The following VWA3B variants were observed in gnomAD, a reference collection of about 807,000 sequenced individuals.
VWA3B encodes the protein von Willebrand factor A domain containing 3B, also known as von Willebrand factor A domain-containing protein 3B.
In VWA3B, 138 loss-of-function variants were observed where a neutral mutation model predicts 158.3. That is an observed-to-expected ratio of 0.87 (90% confidence interval 0.76 to 1.00). VWA3B has a LOEUF of 1.00. VWA3B is among the 50% of genes least tolerant of loss of function. The probability of loss-of-function intolerance (pLI) is 0.00; values close to 1 mark genes in which losing one functional copy is unlikely to be tolerated. For synonymous variants in VWA3B, 596 were observed against 587.3 expected (o/e 1.01, Z -0.21); for missense variants, 1,555 against 1,565.1 (o/e 0.99, Z 0.11).
chr2:98,309,596 C>A (rs1165322835), intron 26 of VWA3B, among the ~76,000 whole-genome samples: 1 of 152,196 alleles, frequency 6.6e-6, no homozygotes, highest in Non-Finnish European at 1.5e-5. Context: ...GGAAATGATA[C>A]CGTGCGCAGT....
chr2:98,126,274 G>A (rs545008910), intron 5 of VWA3B, among the ~76,000 whole-genome samples: 1 of 152,222 alleles, frequency 6.6e-6, no homozygotes, highest in Non-Finnish European at 1.5e-5. Flanking sequence ...AGTGCCAGAG[G>A]AAAGAAGCTG....
At chr2:98,214,155 C>A (rs1683774579) in intron 13 of VWA3B, among the ~76,000 whole-genome samples, 1 of 151,388 alleles carries the variant, frequency 6.6e-6, no homozygotes, top group South Asian at 2.1e-4. Flanking sequence ...CGTGCTACTG[C>A]ACTCCAGCCT....
chr2:98,316,034 T>G (rs571172015), downstream of VWA3B, among the ~76,000 whole-genome samples: 1 of 152,356 alleles, frequency 6.6e-6, no homozygotes, highest in East Asian at 1.9e-4. Flanking sequence ...TGAATCATTT[T>G]TCCTAGGAGA....
chr2:98,255,576 A>C (rs4851122), intron 20 of VWA3B, among the ~76,000 whole-genome samples: 88,132 of 151,712 alleles, frequency 0.58, 26,042 homozygotes, highest in South Asian at 0.82. Flanking sequence ...TGAAAACGCG[A>C]TCAGTCTCAG....
At chr2:98,234,378 G>A (rs1441225431) in intron 16 of VWA3B, among the ~76,000 whole-genome samples, 5 of 152,334 alleles carry the variant, frequency 3.3e-5, no homozygotes, top group South Asian at 2.1e-4. Context: ...AGGAAATGGG[G>A]CCTCAGTCCT....
At chr2:98,317,411 G>A (rs1202829618), downstream of VWA3B, among the ~76,000 whole-genome samples, 2 of 152,176 alleles carry the variant, frequency 1.3e-5, no homozygotes, top group African/African-American at 4.8e-5. Context: ...TTCAGGCCCT[G>A]AGGGGAAGTG....
At position 98,121,346 on chromosome 2, in the gene VWA3B, CCGAA is replaced by C. The variant is rs1454889981; in HGVS notation, c.592_595del (p.Glu198SerfsTer3). 6.2e-7 allele frequency: 1 copy of C among 1,614,146 alleles called. No individual in the cohort carries two copies. On this transcript the variant is annotated frameshift_variant, in exon 5 of 28. Transcript: ENST00000477737. LOFTEE classifies it high-confidence loss of function. Reference sequence around the variant, plus strand: ...TGGCAGGAAAATGCTACTCCTGTGACCGAACAGTCCATAGCTACTGCCATCAGTT... The same window carrying C: ...TGGCAGGAAAATGCTACTCCTGTGACCAGTCCATAGCTACTGCCATCAGTT...
rs117566418 is a variant in VWA3B at position 98,168,351 on chromosome 2, T to G, written c.1114+5375T>G. Among the ~76,000 whole-genome samples, 240 of 149,242 alleles carry G rather than the reference T, an allele frequency of 1.6e-3. 5 individuals are homozygous for G. In the East Asian group the frequency reaches 0.038, roughly 24 times the overall value. ...ATTGGACAATTATGTATCAGTTCCC[T>G]TTGTTTCAATCTAATACACACACAT... On this transcript the variant is annotated intron_variant, in intron 8 of 27. Coordinates refer to ENST00000477737, the MANE Select transcript of VWA3B (RefSeq NM_144992.5).
At chr2:98,217,625 T>C (rs1684140499) in intron 13 of VWA3B, among the ~76,000 whole-genome samples, 1 of 152,200 alleles carries the variant, frequency 6.6e-6, no homozygotes, top group Non-Finnish European at 1.5e-5. Context: ...CTGAGAGACC[T>C]CAGAGCCAAG....
chr2:98,153,603 G>A (rs558686316), intron 7 of VWA3B, among the ~76,000 whole-genome samples: 7 of 152,182 alleles, frequency 4.6e-5, no homozygotes, highest in African/African-American at 1.7e-4. Flanking sequence ...CCATCACTTA[G>A]GCTTGGCATT....
In VWA3B at chr2:98,312,229, G is replaced by A. The variant is rs780605990; in HGVS notation, c.3765G>A (p.Gly1255=). 3.1e-6 allele frequency: 5 copies of A among 1,614,120 alleles called. No individual in the cohort carries two copies. Among genetic ancestry groups the A allele is most frequent in the Non-Finnish European group, 4.2e-6 (5 of 1,180,016 alleles). ...CCCACCTCCACTTCCCCGCGGCCGG[G>A]CGTCTAGGACTCAGCAGCCACGCCA... is the stretch of plus-strand genomic sequence containing the variant. ...RTAHLHFPAA[G]RLGLSSHAII... The change falls in exon 28 of 28, where the codon GGG becomes GGA. Residue 1255 remains glycine (G), a synonymous_variant. Coordinates refer to ENST00000477737, the MANE Select transcript of VWA3B (RefSeq NM_144992.5).
rs138999267 is a variant in VWA3B at position 98,150,890 on chromosome 2, G to A, written c.989-11961G>A. Reference sequence around the variant, plus strand: ...TCCCTGGTTCCTCCCTTCTATTTCCGTTTGCCTTCTGAAGCTTCTCACCTT... The same window carrying A: ...TCCCTGGTTCCTCCCTTCTATTTCCATTTGCCTTCTGAAGCTTCTCACCTT... On this transcript the variant is annotated intron_variant, in intron 7 of 27. Coordinates refer to ENST00000477737, the MANE Select transcript of VWA3B (RefSeq NM_144992.5). 6.5e-3 allele frequency among the ~76,000 whole-genome samples: 988 copies of A among 152,216 alleles called. 9 individuals are homozygous for A. Among genetic ancestry groups the A allele is most frequent in the Non-Finnish European group, 9.0e-3 (610 of 68,016 alleles).
At chr2:98,304,797 G>T in intron 26 of VWA3B, among the ~76,000 whole-genome samples, 1 of 151,954 alleles carries the variant, frequency 6.6e-6, no homozygotes, top group East Asian at 1.9e-4. Flanking sequence ...AAGTACACAG[G>T]TTGGCCTCCT....
chr2:98,264,898 C>T (rs1489160319), intron 21 of VWA3B, among the ~76,000 whole-genome samples: 1 of 152,034 alleles, frequency 6.6e-6, no homozygotes, highest in East Asian at 1.9e-4. Context: ...GCTAGGTGCA[C>T]ATATAATTGT....
intron 12 of VWA3B, among the ~76,000 whole-genome samples, chr2:98,204,043 A>G (rs2105492011): frequency 6.6e-6 from 1 of 152,366 alleles, no homozygotes; most frequent in East Asian, 1.9e-4. Flanking sequence ...AGGATTGTAT[A>G]GGTTATGTGC....
chr2:98,280,481 G>A (rs1041537909), intron 22 of VWA3B, among the ~76,000 whole-genome samples: 4 of 152,324 alleles, frequency 2.6e-5, no homozygotes, highest in African/African-American at 9.6e-5. Flanking sequence ...GCTGCCCTGG[G>A]GTCAGGGAGG....
chr2:98,138,026 C>T (rs1676421822), intron 7 of VWA3B, among the ~76,000 whole-genome samples: 3 of 152,266 alleles, frequency 2.0e-5, no homozygotes, highest in East Asian at 3.9e-4. Context: ...TCGCATTGCT[C>T]CCCTTTGCCT....
At chr2:98,105,578 G>T (rs1354397936) in intron 2 of VWA3B, among the ~76,000 whole-genome samples, 1 of 152,018 alleles carries the variant, frequency 6.6e-6, no homozygotes, top group African/African-American at 2.4e-5. Context: ...TTTTGAATTA[G>T]TTTCTGTATA....
chr2:98,239,740 C>T (rs553366940), intron 19 of VWA3B, among the ~76,000 whole-genome samples: 94 of 151,582 alleles, frequency 6.2e-4, no homozygotes, highest in Non-Finnish European at 1.2e-3. Flanking sequence ...GGTGAAACTC[C>T]GTCTGTACTA....
Sources: allele counts gnomAD v4.1 joint callset (sites outside exome capture counted in the v4.1 genomes callset), GRCh38; gene constraint gnomAD v4.1.1; transcripts MANE v1.5; gene names NCBI Gene and HGNC (gene_info 2026-07-23, HGNC 2026-07-21).